The following TTC28 variants were observed in gnomAD, a reference collection of about 807,000 sequenced individuals.
The protein encoded by TTC28 is tetratricopeptide repeat domain 28.
A neutral mutation model predicts 198.0 loss-of-function variants in TTC28; 61 were observed. That is an observed-to-expected ratio of 0.31 (90% CI 0.25 to 0.38). The LOEUF is 0.38. Ranked by LOEUF, TTC28 falls within the 10% of genes least tolerant of loss-of-function variation. The pLI is 1.00. For missense variants in TTC28, 2,678 were observed against 3,164.0 expected (o/e 0.85, Z 3.69); for synonymous variants, 1,171 against 1,297.8 (o/e 0.90, Z 2.10).
intron 2 of TTC28, among the ~76,000 whole-genome samples, chr22:28,518,767 ACAGAATT>A (rs2146419046): frequency 6.6e-6 from 1 of 152,366 alleles, no homozygotes; most frequent in Admixed American, 6.5e-5. Context: ...TAGTAAAAAG[ACAGAATT>A]CATCTATCAA....
intron 3 of TTC28, among the ~76,000 whole-genome samples, chr22:28,299,138 C>T (rs1221546032): frequency 6.6e-6 from 1 of 151,730 alleles, no homozygotes; most frequent in Non-Finnish European, 1.5e-5. Context: ...AAGACAAGTG[C>T]AGAGTTATTA....
At chr22:27,985,432 C>T in intron 21 of TTC28, 76 bp from the exon 22 acceptor site, 2 of 1,166,676 alleles carry the variant, frequency 1.7e-6, no homozygotes, top group South Asian at 2.7e-5. Flanking sequence ...CTATAGGGCT[C>T]CTTGTGCAAC....
intron 2 of TTC28, among the ~76,000 whole-genome samples, chr22:28,347,272 AAAAAAAAAAAAAAC>A (rs746840978): frequency 2.4e-4 from 22 of 91,080 alleles, no homozygotes; most frequent in Admixed American, 1.1e-3. Flanking sequence ...TCAAAAGAGG[AAAAAAAAAAAAAAC>A]AAAAAAAGAA....
intron 2 of TTC28, among the ~76,000 whole-genome samples, chr22:28,449,882 G>A (rs1460365371): frequency 6.6e-6 from 1 of 152,108 alleles, no homozygotes; most frequent in Non-Finnish European, 1.5e-5. Flanking sequence ...CTAAGAGCCT[G>A]TTTCATGAAA....
chr22:28,243,382 A>AAAAC (rs926928068), intron 5 of TTC28, among the ~76,000 whole-genome samples: 2 of 150,366 alleles, frequency 1.3e-5, no homozygotes, highest in African/African-American at 4.9e-5. Flanking sequence ...AAAACAAAAC[A>AAAAC]AAAAAACCTG....
intron 2 of TTC28, among the ~76,000 whole-genome samples, chr22:28,415,233 C>T (rs541425121): frequency 7.2e-5 from 11 of 151,850 alleles, no homozygotes; most frequent in African/African-American, 2.7e-4. Context: ...AAGATATTAT[C>T]AGATAAATGG....
At chr22:28,266,233 T>A (rs1931677722) in intron 5 of TTC28, among the ~76,000 whole-genome samples, 1 of 151,982 alleles carries the variant, frequency 6.6e-6, no homozygotes, top group Non-Finnish European at 1.5e-5. Flanking sequence ...AAAATATGTA[T>A]GAAAAAGTTA....
chr22:28,357,246 T>C (rs2046090653), intron 2 of TTC28, among the ~76,000 whole-genome samples: 1 of 151,950 alleles, frequency 6.6e-6, no homozygotes, highest in Admixed American at 6.6e-5. Context: ...AGGACCAGTA[T>C]AGTGACCATT....
At position 27,978,620 on chromosome 22, in the gene TTC28, C is replaced by A. The variant is rs548781430; in HGVS notation, c.*3601G>T. ...ACCTTTGTCTCCTGCTAAAACCCAG[C>A]AAGTTTCAGTGTGGACCGTGAATTT... On this transcript the variant is annotated 3_prime_UTR_variant, in exon 23 of 23. Transcript: ENST00000397906. 1 of 152,306 alleles carries A rather than the reference C, an allele frequency of 6.6e-6. No homozygotes were observed. Among genetic ancestry groups the A allele is most frequent in the African/African-American group, 2.4e-5 (1 of 41,562 alleles). 9.4% of individuals were successfully genotyped at this position (152,306 alleles called of 1,614,324 possible).
intron 2 of TTC28, among the ~76,000 whole-genome samples, chr22:28,469,050 G>A (rs1343142029): frequency 6.6e-6 from 1 of 152,104 alleles, no homozygotes; most frequent in Non-Finnish European, 1.5e-5. Context: ...TTCTTCTCTA[G>A]GAACTGCACC....
chr22:28,669,744 G>A (rs938409116), intron 1 of TTC28, among the ~76,000 whole-genome samples: 2 of 152,024 alleles, frequency 1.3e-5, no homozygotes, highest in Non-Finnish European at 2.9e-5. Context: ...TCACAAAAAC[G>A]TTCTTATCTA....
Position 28,030,242 on chromosome 22 carries a change from T to C in TTC28, c.4057A>G (p.Asn1353Asp), listed in dbSNP as rs1355484587. 4 of 1,551,594 alleles carry C rather than the reference T, an allele frequency of 2.6e-6. No homozygotes were observed. Among genetic ancestry groups the C allele is most frequent in the Non-Finnish European group, 3.5e-6 (4 of 1,147,000 alleles). ...CACACTCACCTGTTAAACAGGTTATTGCGGCGAACCATCCGCAGAAAGCCA... is the reference window on the plus strand; with the variant it reads ...CACACTCACCTGTTAAACAGGTTATCGCGGCGAACCATCCGCAGAAAGCCA... ...PTGFLRMVRRNNLFNRSCQSM... is the reference protein window; with the variant it reads ...PTGFLRMVRRDNLFNRSCQSM... Residue 1353 changes from asparagine to aspartate, a missense_variant, in exon 13 of 23, where the codon AAT becomes GAT. This residue lies in a region of TTC28 where 727 missense variants were observed against 861.9 expected (regional missense o/e 0.84). Transcript: ENST00000397906.
chr22:28,204,456 G>T (rs1926229103), intron 5 of TTC28, among the ~76,000 whole-genome samples: 1 of 152,060 alleles, frequency 6.6e-6, no homozygotes, highest in Non-Finnish European at 1.5e-5. Flanking sequence ...TATTAATCCT[G>T]CAAGAAAAGT....
chr22:28,606,380 C>T (rs1223679382), intron 2 of TTC28, among the ~76,000 whole-genome samples: 1 of 152,232 alleles, frequency 6.6e-6, no homozygotes, highest in South Asian at 2.1e-4. Flanking sequence ...TGAGCCACCA[C>T]ACCCAGCCAA....
intron 2 of TTC28, among the ~76,000 whole-genome samples, chr22:28,347,294 G>C (rs1484884952): frequency 6.7e-6 from 1 of 148,392 alleles, no homozygotes; most frequent in African/African-American, 2.5e-5. Context: ...AACAAAAAAA[G>C]AAAAAAGAAA....
intron 1 of TTC28, among the ~76,000 whole-genome samples, chr22:28,639,616 C>T (rs1347826326): frequency 2.0e-5 from 3 of 152,104 alleles, no homozygotes; most frequent in Admixed American, 6.6e-5. Flanking sequence ...CAAGATCTGA[C>T]GGTTTTAAAA....
intron 2 of TTC28, among the ~76,000 whole-genome samples, chr22:28,574,274 G>C (rs2050109990): frequency 6.6e-6 from 1 of 151,984 alleles, no homozygotes; most frequent in South Asian, 2.1e-4. Flanking sequence ...AGCCTCCCAG[G>C]GTGCTGGGAT....
chr22:28,039,007 A>G (rs1362543299), intron 12 of TTC28, among the ~76,000 whole-genome samples: 1 of 152,224 alleles, frequency 6.6e-6, no homozygotes, highest in East Asian at 1.9e-4. Context: ...GATCATCAAA[A>G]AGTCAGGAAA....
intron 2 of TTC28, among the ~76,000 whole-genome samples, chr22:28,428,932 G>A (rs780357028): frequency 6.6e-5 from 10 of 152,152 alleles, no homozygotes; most frequent in African/African-American, 1.2e-4. Flanking sequence ...GAGCCACCGC[G>A]CCCAGCCCAT....
Sources: allele counts gnomAD v4.1 joint callset (sites outside exome capture counted in the v4.1 genomes callset), GRCh38; gene constraint gnomAD v4.1.1; regional missense constraint gnomAD v4.1.1; transcripts MANE v1.5; gene names NCBI Gene and HGNC (gene_info 2026-07-23, HGNC 2026-07-21).